The following ZNF462 variants were observed in gnomAD, a reference collection of about 807,000 sequenced individuals.
ZNF462 encodes zinc finger PBX1-interacting protein.
ZNF462 carries 10 observed loss-of-function variants against 201.9 expected under a neutral mutation model. The ratio of observed to expected loss-of-function variants is 0.05; its 90% CI spans 0.03 to 0.08. The LOEUF (loss-of-function observed/expected upper bound fraction) is 0.08. Ranked by LOEUF, ZNF462 falls within the 10% of genes least tolerant of loss-of-function variation. The pLI, the probability that ZNF462 is intolerant of heterozygous loss-of-function variation, is 1.00. For missense variants in ZNF462, 2,523 were observed against 3,168.3 expected, an observed-to-expected ratio of 0.80 and a Z score of 4.89; for synonymous variants, 1,227 against 1,193.3, an observed-to-expected ratio of 1.03 and a Z score of -0.58.
chr9:106,959,015 G>A (rs778041500), intron 7 of ZNF462, among the ~76,000 whole-genome samples: 4 of 152,140 alleles, frequency 2.6e-5, no homozygotes, highest in Admixed American at 6.5e-5. Flanking sequence ...TTTGGGAATT[G>A]AATTTGCCCT....
chr9:106,897,681 TATA>T (rs1299016190), intron 1 of ZNF462, among the ~76,000 whole-genome samples: 1 of 152,178 alleles, frequency 6.6e-6, no homozygotes, highest in Non-Finnish European at 1.5e-5. Context: ...AGCACAGTAA[TATA>T]ATATGCACAA....
At chr9:106,904,244 G>A (rs191735069) in intron 1 of ZNF462, among the ~76,000 whole-genome samples, 1 of 152,152 alleles carries the variant, frequency 6.6e-6, no homozygotes, top group African/African-American at 2.4e-5. Flanking sequence ...TTTGAGGAGA[G>A]TGAAGATAGG....
chr9:106,939,093 T>C lies in ZNF462; in HGVS notation c.6413T>C (p.Val2138Ala), dbSNP rs747560024. 4 of 1,606,366 alleles carry C rather than the reference T, an allele frequency of 2.5e-6. No homozygotes were observed. Among genetic ancestry groups the C allele is most frequent in the Non-Finnish European group, 3.4e-6 (4 of 1,176,448 alleles). ...CAAAAAGCTACCCCGGCTGAAGAAG[T>C]GGAAGACTCCAATGGTAAAAATGGG... ...SSQKATPAEE[V>A]EDSNDSSYSE... Residue 2138 changes from valine (V) to alanine (A), a missense_variant, in exon 7 of 13, where the codon GTG (valine) becomes GCG (alanine). This residue lies in a region of ZNF462 where 138 missense variants were observed against 146.3 expected (regional missense o/e 0.94). Coordinates refer to ENST00000277225, the MANE Select transcript of ZNF462 (RefSeq NM_021224.6).
rs1831472446 is a variant in ZNF462, at chr9:106,954,105, T to C, written c.6427+14998T>C. ...TTCAAATCATCCTCCTATTCAGAAG[T>C]CTTTAACAGCTCTGCATGGCCTGTG... is the stretch of plus-strand genomic sequence containing the variant. On this transcript the variant is annotated intron_variant, in intron 7 of 12. Transcript: ENST00000277225. This position sits in a 1 kb window ranked among gnomAD's most constrained non-coding sequence, Gnocchi z 4.0. Among the ~76,000 whole-genome samples the C allele has an allele frequency of 6.6e-6, 1 of 152,176 alleles. No individual in the cohort carries two copies. Among genetic ancestry groups the C allele is most frequent in the Non-Finnish European group, 1.5e-5 (1 of 68,032 alleles).
rs1320524541 is a variant in ZNF462, at chr9:106,927,389, G to T, written c.3477G>T (p.Gly1159=). The T allele has an allele frequency of 1.9e-6, 3 of 1,614,016 alleles. No homozygotes were observed. The highest frequency in any genetic ancestry group is 2.5e-6 in the Non-Finnish European group (3 of 1,180,006). ...QAPPTAAMMR[G]VEGPQGSPRP... The stretch of plus-strand genomic sequence containing the variant: ...CTCCCACAGCTGCAATGATGAGAGG[G>T]GTCGAAGGGCCCCAAGGCTCCCCCC... The change falls in exon 3 of 13, where the codon GGG becomes GGT. Residue 1159 remains glycine, a synonymous_variant. Coordinates refer to ENST00000277225, the MANE Select transcript of ZNF462 (RefSeq NM_021224.6).
At position 106,924,146 on chromosome 9, in the gene ZNF462, T is replaced by G. The variant is rs778888774; in HGVS notation, c.234T>G (p.Thr78=). ...CTTTTTCTTTAGGTCAAAATGCAACTTCATTGGGGACCGGAGGTTACTATG... is the reference window on the plus strand; with the variant it reads ...CTTTTTCTTTAGGTCAAAATGCAACGTCATTGGGGACCGGAGGTTACTATG... ...IAEDLSGQNA[T]SLGTGGYYGH... is the part of the protein sequence containing the mutation. Residue 78 remains threonine (T), a synonymous_variant, in exon 3 of 13, where the codon ACT becomes ACG. Coordinates refer to ENST00000277225, the MANE Select transcript of ZNF462 (RefSeq NM_021224.6). The surrounding 1 kb of genome is among the most constrained non-coding windows in gnomAD (Gnocchi z 6.2). 6.3e-7 allele frequency: 1 copy of G among 1,595,700 alleles called. No homozygotes were observed. Among genetic ancestry groups the G allele is most frequent in the Admixed American group, 1.8e-5 (1 of 54,932 alleles).
At chr9:106,997,641 A>G (rs1828839187) in intron 10 of ZNF462, among the ~76,000 whole-genome samples, 1 of 152,136 alleles carries the variant, frequency 6.6e-6, no homozygotes, top group African/African-American at 2.4e-5. Context: ...ATCTTGCTGT[A>G]AGAAATCGTA....
At position 107,006,695 on chromosome 9, in the gene ZNF462, C is replaced by A. The variant is rs1379342805; in HGVS notation, c.7190-2850C>A. 1.3e-5 allele frequency among the ~76,000 whole-genome samples: 2 copies of A among 152,092 alleles called. No individual in the cohort carries two copies. The highest frequency in any genetic ancestry group is 2.9e-5 in the Non-Finnish European group (2 of 68,012). ...TCACCCTCCTACCATGATGCCAGGG[C>A]TAAAGACTATGGGTTTGCGAAGGGG... On this transcript the variant is annotated intron_variant, in intron 11 of 12. Coordinates refer to ENST00000277225, the MANE Select transcript of ZNF462 (RefSeq NM_021224.6). The surrounding 1 kb of genome is among the most constrained non-coding windows in gnomAD (Gnocchi z 4.3).
Position 106,932,364 on chromosome 9 carries a change from G to T in ZNF462, c.6013-82G>T. 6.3e-7 allele frequency: 1 copy of T among 1,598,938 alleles called. No individual in the cohort carries two copies. Among genetic ancestry groups the T allele is most frequent in the Non-Finnish European group, 8.5e-7 (1 of 1,172,380 alleles). On this transcript the variant is annotated intron_variant, in intron 4 of 12. Transcript: ENST00000277225. This position sits in a 1 kb window ranked among gnomAD's most constrained non-coding sequence, Gnocchi z 6.8. ...GCCGGGTGGATGGTGAACACTGCTT[G>T]CTTGATGGAATGTTGGAGGATGAAA... is the stretch of plus-strand genomic sequence containing the variant.
Position 106,902,923 on chromosome 9 carries a change from T to C in ZNF462, c.-30-20431T>C, listed in dbSNP as rs1157710370. Among the ~76,000 whole-genome samples, 1 of 152,136 alleles carries C rather than the reference T, an allele frequency of 6.6e-6. No individual in the cohort carries two copies. The highest frequency in any genetic ancestry group is 6.5e-5 in the Admixed American group (1 of 15,270). ...GTTTTTTTTGTTTGTTTGTTTGAATTTCATTTAGTTTTGCCCTGATCTTGG... is the reference window on the plus strand; with the variant it reads ...GTTTTTTTTGTTTGTTTGTTTGAATCTCATTTAGTTTTGCCCTGATCTTGG... On this transcript the variant is annotated intron_variant, in intron 1 of 12. Transcript: ENST00000277225. The surrounding 1 kb of genome is among the most constrained non-coding windows in gnomAD (Gnocchi z 4.2).
chr9:106,983,843 T>G (rs1326234119), intron 9 of ZNF462, among the ~76,000 whole-genome samples: 1 of 152,206 alleles, frequency 6.6e-6, no homozygotes, highest in African/African-American at 2.4e-5. Context: ...TCAGTAATCA[T>G]TAATGTTGGT....
rs181446302 is a variant in ZNF462 at position 106,875,153 on chromosome 9, C to T, written c.-31+11798C>T. ...TCTGATGTTTCCAATGTGCTTCTGC[C>T]TGTTCTTTCTTCCCCTCTTGCCCCC... On this transcript the variant is annotated intron_variant, in intron 1 of 12. Transcript: ENST00000277225. Among the ~76,000 whole-genome samples the T allele has an allele frequency of 1.5e-3, 227 of 152,260 alleles. 1 individual carries two copies. Among genetic ancestry groups the T allele is most frequent in the African/African-American group, 5.2e-3 (215 of 41,550 alleles).
In ZNF462 at chr9:106,966,278, C is replaced by A. The variant is rs1832066570; in HGVS notation, c.6428-5727C>A. On this transcript the variant is annotated intron_variant, in intron 7 of 12. Transcript: ENST00000277225. This position sits in a 1 kb window ranked among gnomAD's most constrained non-coding sequence, Gnocchi z 4.4. ...GTTTTTCTGTTCAGACTCATCATTT[C>A]TTTACCCTAGGGAAATTAAGTCATT... Among the ~76,000 whole-genome samples the A allele has an allele frequency of 2.0e-5, 3 of 152,160 alleles. No homozygotes were observed. The highest frequency in any genetic ancestry group is 7.2e-5 in the African/African-American group (3 of 41,546).
chr9:106,954,956 T>A lies in ZNF462; in HGVS notation c.6427+15849T>A, dbSNP rs143240468. 1.1e-4 allele frequency among the ~76,000 whole-genome samples: 16 copies of A among 152,272 alleles called. No individual in the cohort carries two copies. In the East Asian group the frequency reaches 3.1e-3, roughly 29 times the overall value. Reference sequence around the variant, plus strand: ...TGTCCTGTAAATGTAAAATGAAAATTTGTTGTGTCCTGTAAATAGTCATGG... The same window carrying A: ...TGTCCTGTAAATGTAAAATGAAAATATGTTGTGTCCTGTAAATAGTCATGG... On this transcript the variant is annotated intron_variant, in intron 7 of 12. Transcript: ENST00000277225. The surrounding 1 kb of genome is among the most constrained non-coding windows in gnomAD (Gnocchi z 4.0).
At chr9:106,991,839 TACACACACACACAC>T (rs200978759) in intron 10 of ZNF462, among the ~76,000 whole-genome samples, 23 of 136,350 alleles carry the variant, frequency 1.7e-4, no homozygotes, top group East Asian at 1.3e-3. Context: ...CAGCACTCTC[TACACACACACACAC>T]ACACACACAC....
chr9:106,962,566 A>G lies in ZNF462; in HGVS notation c.6428-9439A>G, dbSNP rs575959061. On this transcript the variant is annotated intron_variant, in intron 7 of 12. Transcript: ENST00000277225. This position sits in a 1 kb window ranked among gnomAD's most constrained non-coding sequence, Gnocchi z 4.6. ...TCAGTGAATGTAAGTATGATGGGAAACTAGATCTCAAAAAAGAGAAAGCTT... is the reference window on the plus strand; with the variant it reads ...TCAGTGAATGTAAGTATGATGGGAAGCTAGATCTCAAAAAAGAGAAAGCTT... Among the ~76,000 whole-genome samples the G allele has an allele frequency of 6.6e-6, 1 of 152,184 alleles. No homozygotes were observed. The highest frequency in any genetic ancestry group is 1.9e-4 in the East Asian group (1 of 5,166).
Position 106,929,560 on chromosome 9 carries a change from A to G in ZNF462, c.5648A>G (p.Asn1883Ser), listed in dbSNP as rs765299374. Residue 1883 changes from asparagine (N) to serine (S), a missense_variant, in exon 3 of 13, where the codon AAC becomes AGC. Asn to Ser is a conservative substitution (Grantham distance 46). Around this residue, in one of 15 missense-constraint regions of ZNF462, gnomAD observed 207 missense variants for 231.6 expected, o/e 0.89. Transcript: ENST00000277225. This position sits in a 1 kb window ranked among gnomAD's most constrained non-coding sequence, Gnocchi z 8.7. ...AAGAGGGACTTCATCATTCTGGGCA[A>G]CGGCCCCCGCTTGCAGAACTCCACC... Reference protein sequence around the residue: ...DLKRDFIILGNGPRLQNSTYQ... With the variant: ...DLKRDFIILGSGPRLQNSTYQ... 9 of 1,614,046 alleles carry G rather than the reference A, an allele frequency of 5.6e-6. No individual in the cohort carries two copies. The Admixed American group carries it at 1.2e-4, about 21-fold the overall frequency.
chr9:106,900,212 G>A (rs1347143328), intron 1 of ZNF462, among the ~76,000 whole-genome samples: 22 of 78,752 alleles, frequency 2.8e-4, no homozygotes, highest in African/African-American at 1.2e-3. Context: ...TCGTGTGTGT[G>A]TGTGTGTGTG....
At position 106,933,323 on chromosome 9, in the gene ZNF462, G is replaced by T. The variant is rs1830498537; in HGVS notation, c.6116+774G>T. On this transcript the variant is annotated intron_variant, in intron 5 of 12. Coordinates refer to ENST00000277225, the MANE Select transcript of ZNF462 (RefSeq NM_021224.6). This position sits in a 1 kb window ranked among gnomAD's most constrained non-coding sequence, Gnocchi z 4.3. Reference sequence around the variant, plus strand: ...TACAAAAGATAAAGGGCCAGTTAGTGGTTGTTGAACAGAAGAAGGAGGTGG... The same window carrying T: ...TACAAAAGATAAAGGGCCAGTTAGTTGTTGTTGAACAGAAGAAGGAGGTGG... 6.6e-6 allele frequency: 1 copy of T among 152,440 alleles called. No individual in the cohort carries two copies. The highest frequency in any genetic ancestry group is 2.1e-4 in the South Asian group (1 of 4,838). The allele number at this position is 152,440 out of a possible 1,614,324, so 9.4% of individuals were successfully genotyped here. A position where few individuals can be genotyped will look rare whatever the true frequency, so the allele number is the denominator to read the frequency against.
Sources: allele counts gnomAD v4.1 joint callset (sites outside exome capture counted in the v4.1 genomes callset), GRCh38; gene constraint gnomAD v4.1.1; regional missense constraint gnomAD v4.1.1; non-coding constraint Gnocchi (gnomAD v3.1); transcripts MANE v1.5; gene names NCBI Gene and HGNC (gene_info 2026-07-23, HGNC 2026-07-21).